ADAMTS19: variants seen among roughly 807,000 people sequenced by gnomAD.
The protein encoded by ADAMTS19 is ADAM metallopeptidase with thrombospondin type 1 motif 19, also known as A disintegrin and metalloproteinase with thrombospondin motifs 19.
Under a neutral mutation model 153.3 loss-of-function variants are expected in ADAMTS19, and 93 were observed. That is an observed-to-expected ratio of 0.61 (90% confidence interval 0.51 to 0.72). The LOEUF (loss-of-function observed/expected upper bound fraction) is 0.72. ADAMTS19 is among the 30% of genes least tolerant of loss of function. ADAMTS19 has a pLI of 0.00. For synonymous variants in ADAMTS19, 600 were observed against 556.6 expected (o/e 1.08, Z -1.10); for missense variants, 1,482 against 1,552.1 (o/e 0.95, Z 0.76).
chr5:129,536,032 C>T (rs190456620), intron 6 of ADAMTS19, among the ~76,000 whole-genome samples: 1,602 of 152,284 alleles, frequency 0.011, 30 homozygotes, highest in African/African-American at 0.035. Context: ...ACACCAAAAG[C>T]AATGGCAACA....
In ADAMTS19 at chr5:129,494,029, AT is replaced by A. The variant is rs1225314052; in HGVS notation, c.748-15047del. On this transcript the variant is annotated intron_variant, in intron 2 of 22. Coordinates refer to ENST00000274487, the MANE Select transcript of ADAMTS19 (RefSeq NM_133638.6). ...TTTCCTTTCAAATTACAAAACTTCT[AT>A]CCATTAATATTAAAATTATAAAGTC... Among the ~76,000 whole-genome samples the A allele has an allele frequency of 1.5e-4, 23 of 152,244 alleles. No individual in the cohort carries two copies. In the East Asian group the frequency reaches 3.9e-3, roughly 25 times the overall value.
chr5:129,595,181 G>A (rs967631206), intron 7 of ADAMTS19, among the ~76,000 whole-genome samples: 4 of 152,028 alleles, frequency 2.6e-5, no homozygotes, highest in African/African-American at 7.2e-5. Flanking sequence ...GACATTCTGC[G>A]TGAAGGTTTA....
At chr5:129,702,941 A>AAAAAAAAAATAT in intron 20 of ADAMTS19, among the ~76,000 whole-genome samples, 2 of 29,308 alleles carry the variant, frequency 6.8e-5, no homozygotes, top group African/African-American at 1.7e-4. Flanking sequence ...AAAAAAAAAA[A>AAAAAAAAAATAT]ATATATATAT....
At chr5:129,474,935 G>A (rs1750177837) in intron 2 of ADAMTS19, among the ~76,000 whole-genome samples, 1 of 151,936 alleles carries the variant, frequency 6.6e-6, no homozygotes, top group Admixed American at 6.6e-5. Flanking sequence ...TTGTTAATTA[G>A]TTTTTTTCTA....
chr5:129,480,808 G>A (rs1250178258), intron 2 of ADAMTS19, among the ~76,000 whole-genome samples: 5 of 152,082 alleles, frequency 3.3e-5, no homozygotes, highest in South Asian at 2.1e-4. Context: ...CATATATTCC[G>A]CAAAATGGAT....
intron 6 of ADAMTS19, among the ~76,000 whole-genome samples, chr5:129,548,536 G>C (rs1413551818): frequency 2.0e-5 from 3 of 151,818 alleles, no homozygotes; most frequent in Non-Finnish European, 4.4e-5. Flanking sequence ...ACAGGTGCTG[G>C]AGAGGATGTG....
At chr5:129,475,481 T>C (rs941952382) in intron 2 of ADAMTS19, among the ~76,000 whole-genome samples, 16 of 152,348 alleles carry the variant, frequency 1.1e-4, no homozygotes, top group Admixed American at 8.5e-4. Flanking sequence ...ATGTAGCTTA[T>C]AATATTTTTT....
intron 6 of ADAMTS19, among the ~76,000 whole-genome samples, chr5:129,532,836 C>T (rs536831563): frequency 1.4e-4 from 21 of 152,144 alleles, no homozygotes; most frequent in African/African-American, 3.1e-4. Context: ...TGGTGGCTCA[C>T]GCCTGTAATC....
At chr5:129,723,873 C>G (rs1356704499) in intron 21 of ADAMTS19, among the ~76,000 whole-genome samples, 1 of 152,104 alleles carries the variant, frequency 6.6e-6, no homozygotes, top group Admixed American at 6.6e-5. Flanking sequence ...GTAAGATGTG[C>G]ATTGGTTTGA....
intron 21 of ADAMTS19, among the ~76,000 whole-genome samples, chr5:129,710,409 T>C (rs946038774): frequency 1.3e-5 from 2 of 152,164 alleles, no homozygotes; most frequent in Non-Finnish European, 1.5e-5. Flanking sequence ...TCTTTGCTAT[T>C]GTGAATAGTG....
intron 11 of ADAMTS19, among the ~76,000 whole-genome samples, chr5:129,645,346 A>C (rs1359987626): frequency 6.6e-6 from 1 of 152,198 alleles, no homozygotes; most frequent in African/African-American, 2.4e-5. Flanking sequence ...TATTTTACAT[A>C]TAATCTTATA....
intron 7 of ADAMTS19, among the ~76,000 whole-genome samples, chr5:129,576,387 T>A (rs1249090768): frequency 2.0e-5 from 3 of 152,134 alleles, no homozygotes; most frequent in Non-Finnish European, 4.4e-5. Flanking sequence ...TATAGGTATT[T>A]CCATCTGTAC....
In ADAMTS19 at chr5:129,460,553, C is replaced by T. The variant is rs369651475; in HGVS notation, c.91+71C>T. On this transcript the variant is annotated intron_variant, in intron 1 of 22. Transcript: ENST00000274487. The stretch of plus-strand genomic sequence containing the variant: ...CGGAGACCGCGAACGTACGGGTCGG[C>T]AGGGCTGGTGCAACCGGTGCGTGGA... The T allele has an allele frequency of 2.0e-5, 32 of 1,571,980 alleles. 1 individual carries two copies. The African/African-American group carries it at 4.2e-4, about 21-fold the overall frequency.
intron 6 of ADAMTS19, among the ~76,000 whole-genome samples, chr5:129,533,315 A>G (rs1752281886): frequency 6.6e-6 from 1 of 152,170 alleles, no homozygotes; most frequent in South Asian, 2.1e-4. Context: ...GTGGGTTTAT[A>G]CATTTGTCAA....
chr5:129,469,698 C>A (rs1356092768), intron 2 of ADAMTS19, among the ~76,000 whole-genome samples: 1 of 152,146 alleles, frequency 6.6e-6, no homozygotes, highest in Non-Finnish European at 1.5e-5. Context: ...AGAAACAGTT[C>A]TTTGCTTCAA....
chr5:129,471,460 A>AAGGC, intron 2 of ADAMTS19, among the ~76,000 whole-genome samples: 1 of 150,694 alleles, frequency 6.6e-6, no homozygotes, highest in African/African-American at 2.4e-5. Flanking sequence ...AGAAGGAAGG[A>AAGGC]AGGAAGGAAG....
At chr5:129,585,690 G>C (rs1749751548) in intron 7 of ADAMTS19, among the ~76,000 whole-genome samples, 1 of 152,052 alleles carries the variant, frequency 6.6e-6, no homozygotes, top group Non-Finnish European at 1.5e-5. Flanking sequence ...TGAAGAAACA[G>C]TTTTTGTATA....
intron 14 of ADAMTS19, among the ~76,000 whole-genome samples, chr5:129,656,109 TA>T (rs1753537614): frequency 6.6e-6 from 1 of 152,178 alleles, no homozygotes; most frequent in Admixed American, 6.5e-5. Context: ...GCTTTTTACT[TA>T]ACAGTATTGT....
chr5:129,658,377 G>GAGAGAGA (rs1318590344), intron 14 of ADAMTS19, among the ~76,000 whole-genome samples: 1 of 148,314 alleles, frequency 6.7e-6, no homozygotes. Flanking sequence ...AAGAGAGAGA[G>GAGAGAGA]GAAGGAAGGA....
Sources: gnomAD v4.1 joint callset for allele counts (sites outside exome capture counted in the v4.1 genomes callset) on GRCh38, gnomAD v4.1.1 for gene constraint, MANE v1.5 for transcripts, NCBI Gene and HGNC (gene_info 2026-07-23, HGNC 2026-07-21) for gene names.